Variants in CSMD1 observed in about 807,000 individuals in gnomAD.
The protein encoded by CSMD1 is CUB and sushi domain-containing protein 1.
CSMD1 carries 213 observed loss-of-function variants against 417.5 expected under a neutral mutation model. That is an observed-to-expected ratio of 0.51 (90% CI 0.46 to 0.57). The LOEUF is 0.57. CSMD1 is among the 20% of genes least tolerant of loss of function. CSMD1 has a pLI of 0.00. For synonymous variants in CSMD1, 2,862 were observed against 1,736.8 expected, an observed-to-expected ratio of 1.65 and a Z score of -16.11; for missense variants, 6,923 against 4,529.7, an observed-to-expected ratio of 1.53 and a Z score of -15.17.
intron 3 of CSMD1, among the ~76,000 whole-genome samples, chr8:4,055,116 T>G (rs529254231): frequency 6.6e-6 from 1 of 152,194 alleles, no homozygotes; most frequent in African/African-American, 2.4e-5. Flanking sequence ...GAGCTTTGTG[T>G]AGTAGATGAT....
At chr8:4,261,019 C>T (rs1030760831) in intron 3 of CSMD1, among the ~76,000 whole-genome samples, 20 of 152,150 alleles carry the variant, frequency 1.3e-4, no homozygotes, top group African/African-American at 3.9e-4. Flanking sequence ...CAAAGTTCAA[C>T]GTAGACATCA....
At chr8:4,391,847 T>C (rs565466911) in intron 3 of CSMD1, among the ~76,000 whole-genome samples, 6 of 152,292 alleles carry the variant, frequency 3.9e-5, no homozygotes, top group South Asian at 4.1e-4. Context: ...CCTGAGTCAA[T>C]AGCCTCTGTT....
chr8:2,990,439 G>A (rs1806277873), intron 54 of CSMD1, among the ~76,000 whole-genome samples: 1 of 152,106 alleles, frequency 6.6e-6, no homozygotes, highest in South Asian at 2.1e-4. Context: ...ACATTTCAGG[G>A]TATCCCCTAA....
chr8:4,718,994 G>T (rs779807376), intron 1 of CSMD1, among the ~76,000 whole-genome samples: 1 of 152,100 alleles, frequency 6.6e-6, no homozygotes, highest in Non-Finnish European at 1.5e-5. Flanking sequence ...TTGAAGATAT[G>T]TAGGTATGAG....
At chr8:3,908,138 T>A (rs976204724) in intron 5 of CSMD1, among the ~76,000 whole-genome samples, 1 of 152,252 alleles carries the variant, frequency 6.6e-6, no homozygotes, top group African/African-American at 2.4e-5. Flanking sequence ...AACAAATACA[T>A]GGCAATCACT....
At chr8:3,509,099 T>A (rs1427592587) in intron 10 of CSMD1, among the ~76,000 whole-genome samples, 2 of 152,166 alleles carry the variant, frequency 1.3e-5, no homozygotes, top group African/African-American at 2.4e-5. Flanking sequence ...ACAAAATTAA[T>A]GCGTGCTCAG....
chr8:3,587,536 T>C (rs1800657734), intron 8 of CSMD1, among the ~76,000 whole-genome samples: 1 of 152,086 alleles, frequency 6.6e-6, no homozygotes, highest in African/African-American at 2.4e-5. Flanking sequence ...CTTTCTTGCT[T>C]AGTGGAAAAA....
At chr8:4,444,594 G>C (rs897722769) in intron 2 of CSMD1, among the ~76,000 whole-genome samples, 1 of 152,050 alleles carries the variant, frequency 6.6e-6, no homozygotes, top group African/African-American at 2.4e-5. Flanking sequence ...ATGAAATGCT[G>C]AGCATTCTGC....
intron 23 of CSMD1, among the ~76,000 whole-genome samples, chr8:3,333,740 C>G (rs940111913): frequency 2.0e-5 from 3 of 152,144 alleles, no homozygotes; most frequent in African/African-American, 7.2e-5. Flanking sequence ...ATTTTTAAAA[C>G]TACTCACTGG....
At chr8:3,737,592 T>C (rs951348338) in intron 6 of CSMD1, among the ~76,000 whole-genome samples, 1 of 152,192 alleles carries the variant, frequency 6.6e-6, no homozygotes, top group African/African-American at 2.4e-5. Context: ...TTTAAAACAC[T>C]GTCAAGAGAG....
intron 6 of CSMD1, 133 bp downstream of exon 6, chr8:3,753,797 A>G: frequency 3.5e-6 from 2 of 578,200 alleles, no homozygotes; most frequent in Non-Finnish European, 6.0e-6. Context: ...TGATTTCCAA[A>G]GATAACTGTG....
At chr8:4,448,844 T>A (rs1416607969) in intron 2 of CSMD1, among the ~76,000 whole-genome samples, 1 of 151,722 alleles carries the variant, frequency 6.6e-6, no homozygotes. Context: ...AATTTCTCTA[T>A]CTTCTTTCTG....
intron 3 of CSMD1, among the ~76,000 whole-genome samples, chr8:4,077,305 A>ATATATATGTG (rs1799879382): frequency 2.3e-5 from 3 of 130,356 alleles, no homozygotes; most frequent in African/African-American, 8.4e-5. Context: ...GTGTATATAT[A>ATATATATGTG]TATATATATA....
intron 40 of CSMD1, among the ~76,000 whole-genome samples, chr8:3,144,801 G>C (rs993344380): frequency 1.4e-5 from 2 of 139,974 alleles, no homozygotes; most frequent in South Asian, 2.4e-4. Context: ...ACAAGGGGGG[G>C]GGGGAGGGAG....
intron 12 of CSMD1, among the ~76,000 whole-genome samples, chr8:3,453,153 T>G (rs573416881): frequency 6.6e-6 from 1 of 152,178 alleles, no homozygotes; most frequent in African/African-American, 2.4e-5. Flanking sequence ...TCCATGGGAT[T>G]GGTGGTGATA....
chr8:4,842,027 G>A (rs1330580386), intron 1 of CSMD1, among the ~76,000 whole-genome samples: 1 of 151,412 alleles, frequency 6.6e-6, no homozygotes, highest in Non-Finnish European at 1.5e-5. Flanking sequence ...AATTTTTCAA[G>A]GGAGCTGAGA....
chr8:3,812,703 G>C lies in CSMD1; in HGVS notation c.819-58661C>G, dbSNP rs538253449. ...ACGCATGCAAATGACAACATGAGCT[G>C]TTTGTTTCCTCAGTAGACTCCACAA... On this transcript the variant is annotated intron_variant, in intron 5 of 69. Coordinates refer to ENST00000635120, the MANE Select transcript of CSMD1 (RefSeq NM_033225.6). 9.2e-5 allele frequency among the ~76,000 whole-genome samples: 14 copies of C among 152,292 alleles called. 1 individual carries two copies. The South Asian group carries it at 2.7e-3, about 29-fold the overall frequency.
At chr8:3,306,384 GGCTGATCTCGAACT>G (rs1400435038) in intron 25 of CSMD1, among the ~76,000 whole-genome samples, 1 of 152,188 alleles carries the variant, frequency 6.6e-6, no homozygotes, top group African/African-American at 2.4e-5. Flanking sequence ...ATGCTGGCCA[GGCTGATCTCGAACT>G]ACTGATCTTA....
chr8:4,115,377 C>T (rs931667973), intron 3 of CSMD1, among the ~76,000 whole-genome samples: 3 of 152,168 alleles, frequency 2.0e-5, no homozygotes, highest in African/African-American at 7.2e-5. Context: ...ACTGTGTACA[C>T]ATAATTTTCA....
Sources: allele counts gnomAD v4.1 joint callset (sites outside exome capture counted in the v4.1 genomes callset), GRCh38; gene constraint gnomAD v4.1.1; transcripts MANE v1.5; gene names NCBI Gene and HGNC (gene_info 2026-07-23, HGNC 2026-07-21).